The following CA10 variants were observed in gnomAD, a reference collection of about 807,000 sequenced individuals.
CA10 encodes carbonic anhydrase 10 (inactive).
In CA10, 14 loss-of-function variants were observed where a neutral mutation model predicts 44.2. That is an observed-to-expected ratio of 0.32 (90% CI 0.21 to 0.50). The LOEUF (loss-of-function observed/expected upper bound fraction) is 0.50. CA10 is among the 20% of genes least tolerant of loss of function. The pLI, the probability that CA10 is intolerant of heterozygous loss-of-function variation, is 0.99. For missense variants in CA10, 350 were observed against 409.7 expected (o/e 0.85, Z 1.26); for synonymous variants, 159 against 141.6 (o/e 1.12, Z -0.87).
intron 3 of CA10, among the ~76,000 whole-genome samples, chr17:51,786,797 T>C (rs1237408866): frequency 6.6e-6 from 1 of 152,194 alleles, no homozygotes. Context: ...TTCAGTATGA[T>C]ACTAGATGTG....
At chr17:51,692,270 GGATT>G (rs1318606036) in intron 4 of CA10, among the ~76,000 whole-genome samples, 2 of 147,338 alleles carry the variant, frequency 1.4e-5, no homozygotes, top group Admixed American at 6.7e-5. Context: ...ATTGTAAATG[GGATT>G]GATTTCTTGA....
At chr17:51,848,136 A>G (rs1353019147) in intron 3 of CA10, among the ~76,000 whole-genome samples, 1 of 152,210 alleles carries the variant, frequency 6.6e-6, no homozygotes, top group African/African-American at 2.4e-5. Flanking sequence ...AGCCAAAATC[A>G]ATGCAAGAAA....
intron 4 of CA10, among the ~76,000 whole-genome samples, chr17:51,740,527 C>A: frequency 6.6e-6 from 1 of 152,220 alleles, no homozygotes; most frequent in Non-Finnish European, 1.5e-5. Context: ...ACATTGAGAG[C>A]AACCGCCTTG....
intron 1 of CA10, among the ~76,000 whole-genome samples, chr17:52,142,767 C>T (rs1989510181): frequency 6.6e-6 from 1 of 152,024 alleles, no homozygotes; most frequent in Non-Finnish European, 1.5e-5. Context: ...TCACAACCTC[C>T]TCAGGCCTCA....
intron 2 of CA10, among the ~76,000 whole-genome samples, chr17:51,976,899 C>T (rs1235893279): frequency 6.6e-6 from 1 of 151,756 alleles, no homozygotes; most frequent in African/African-American, 2.4e-5. Context: ...TTTCTACAGA[C>T]ATTATAAAGA....
chr17:52,069,504 G>T (rs1402174232), intron 2 of CA10, among the ~76,000 whole-genome samples: 1 of 152,186 alleles, frequency 6.6e-6, no homozygotes, highest in Non-Finnish European at 1.5e-5. Context: ...TAGGCAGGCA[G>T]AATCCCAATA....
chr17:51,933,897 A>G (rs1230391747), intron 2 of CA10, among the ~76,000 whole-genome samples: 2 of 152,166 alleles, frequency 1.3e-5, no homozygotes, highest in African/African-American at 4.8e-5. Context: ...CGTCATGCCC[A>G]AAAAGTACCC....
At chr17:52,011,649 A>T (rs1985799672) in intron 2 of CA10, among the ~76,000 whole-genome samples, 2 of 152,132 alleles carry the variant, frequency 1.3e-5, no homozygotes, top group Admixed American at 6.6e-5. Flanking sequence ...GCTATTTCCT[A>T]CTTTATAATG....
intron 3 of CA10, among the ~76,000 whole-genome samples, chr17:51,871,629 C>A (rs539405679): frequency 1.3e-5 from 2 of 152,106 alleles, no homozygotes; most frequent in South Asian, 4.2e-4. Context: ...AGGTGATCCA[C>A]CTGCCTCAGC....
intron 2 of CA10, among the ~76,000 whole-genome samples, chr17:51,955,540 C>T (rs1029631885): frequency 2.6e-5 from 4 of 152,088 alleles, no homozygotes; most frequent in Non-Finnish European, 5.9e-5. Context: ...CTTTTTTCCC[C>T]TTTCTTTCAT....
At chr17:52,068,756 T>G in intron 2 of CA10, among the ~76,000 whole-genome samples, 1 of 152,222 alleles carries the variant, frequency 6.6e-6, no homozygotes, top group East Asian at 1.9e-4. Flanking sequence ...AACTCTCCAT[T>G]TTGCCATCTT....
At chr17:51,992,543 C>T (rs1263737176) in intron 2 of CA10, among the ~76,000 whole-genome samples, 1 of 152,114 alleles carries the variant, frequency 6.6e-6, no homozygotes, top group East Asian at 1.9e-4. Context: ...TGATTTCAGG[C>T]ATAATCTTAA....
At chr17:52,098,961 T>C (rs554737969) in intron 1 of CA10, among the ~76,000 whole-genome samples, 5 of 152,318 alleles carry the variant, frequency 3.3e-5, no homozygotes, top group African/African-American at 1.2e-4. Context: ...ATGGAATTTA[T>C]ATTCTGCTGG....
At chr17:52,093,026 G>A (rs1306334707) in intron 1 of CA10, among the ~76,000 whole-genome samples, 2 of 152,042 alleles carry the variant, frequency 1.3e-5, no homozygotes, top group Admixed American at 1.3e-4. Flanking sequence ...GTTTTATCAT[G>A]TTGACGAGAA....
intron 3 of CA10, among the ~76,000 whole-genome samples, chr17:51,915,343 A>G (rs1035631803): frequency 2.6e-5 from 4 of 152,166 alleles, no homozygotes; most frequent in Non-Finnish European, 4.4e-5. Flanking sequence ...CTCTGTTATT[A>G]ATTCACCTCT....
At chr17:51,926,681 G>A (rs755321413) in intron 3 of CA10, among the ~76,000 whole-genome samples, 5 of 152,196 alleles carry the variant, frequency 3.3e-5, no homozygotes, top group East Asian at 1.9e-4. Context: ...CCATCCTCAC[G>A]TCTCTGTTCT....
At chr17:51,783,562 A>G (rs1349050966) in intron 3 of CA10, among the ~76,000 whole-genome samples, 2 of 152,148 alleles carry the variant, frequency 1.3e-5, no homozygotes, top group African/African-American at 4.8e-5. Context: ...GGCTTTTTCT[A>G]TTCCCTATAC....
At chr17:51,679,310 A>AGT (rs1393151151) in intron 4 of CA10, among the ~76,000 whole-genome samples, 2 of 148,068 alleles carry the variant, frequency 1.4e-5, no homozygotes, top group Non-Finnish European at 3.0e-5. Context: ...CCCAGGCTGG[A>AGT]GTGCAGTGGC....
intron 3 of CA10, among the ~76,000 whole-genome samples, chr17:51,848,512 G>T (rs1567860009): frequency 6.6e-6 from 1 of 152,180 alleles, no homozygotes; most frequent in Non-Finnish European, 1.5e-5. Flanking sequence ...CACAGCACTG[G>T]CCTGTGGAGA....
Sources: allele counts gnomAD v4.1 joint callset (sites outside exome capture counted in the v4.1 genomes callset), GRCh38; gene constraint gnomAD v4.1.1; transcripts MANE v1.5; gene names NCBI Gene and HGNC (gene_info 2026-07-23, HGNC 2026-07-21).